GLIS3: variants seen among roughly 807,000 people sequenced by gnomAD.
GLIS3 encodes zinc finger protein GLIS3.
Under a neutral mutation model 78.6 loss-of-function variants are expected in GLIS3, and 53 were observed. The observed-to-expected ratio is 0.67, with a 90% confidence interval of 0.54 to 0.85. The LOEUF (loss-of-function observed/expected upper bound fraction) is 0.85. Ranked by LOEUF, GLIS3 falls within the 40% of genes least tolerant of loss-of-function variation. The pLI is 0.00. For missense variants in GLIS3, 1,703 were observed against 1,231.1 expected (o/e 1.38, Z -5.74); for synonymous variants, 684 against 509.9 (o/e 1.34, Z -4.60).
chr9:3,858,577 A>C (rs1819946091), intron 8 of GLIS3, among the ~76,000 whole-genome samples: 1 of 152,196 alleles, frequency 6.6e-6, no homozygotes, highest in Non-Finnish European at 1.5e-5. Context: ...AAATAAATGA[A>C]TTTATACAAT....
chr9:3,825,083 G>C lies in GLIS3; in HGVS notation c.*3189C>G, dbSNP rs548564187. The C allele has an allele frequency of 2.0e-5, 3 of 152,128 alleles. No individual in the cohort carries two copies. Among genetic ancestry groups the C allele is most frequent in the African/African-American group, 7.2e-5 (3 of 41,424 alleles). The allele number at this position is 152,128 out of a possible 1,614,324, so 9.4% of individuals were successfully genotyped here. ...TATTCCCAATACTTCAAGGCAACTGGAAAGTCAAGGTTCTCAGATGAGGGA... is the reference window on the plus strand; with the variant it reads ...TATTCCCAATACTTCAAGGCAACTGCAAAGTCAAGGTTCTCAGATGAGGGA... On this transcript the variant is annotated 3_prime_UTR_variant, in exon 11 of 11. Transcript: ENST00000381971.
At chr9:4,143,014 T>G (rs897022384) in intron 2 of GLIS3, among the ~76,000 whole-genome samples, 1 of 152,172 alleles carries the variant, frequency 6.6e-6, no homozygotes, top group Non-Finnish European at 1.5e-5. Flanking sequence ...TAGCCAAACC[T>G]ACTCTCTGAC....
At chr9:4,363,265 A>G in the GLIS3 span, among the ~76,000 whole-genome samples, 1 of 152,194 alleles carries the variant, frequency 6.6e-6, no homozygotes, top group African/African-American at 2.4e-5. Flanking sequence ...TCTACTAAAA[A>G]TACAAAAATT....
intron 2 of GLIS3, among the ~76,000 whole-genome samples, chr9:4,200,429 A>C (rs1819271559): frequency 6.6e-6 from 1 of 152,184 alleles, no homozygotes; most frequent in South Asian, 2.1e-4. Context: ...AAAGAAAAAA[A>C]ACAGAGAAGA....
At chr9:4,327,247 G>C (rs1340114778) in intron 2 of GLIS3, among the ~76,000 whole-genome samples, 4 of 152,198 alleles carry the variant, frequency 2.6e-5, no homozygotes, top group Non-Finnish European at 5.9e-5. Flanking sequence ...CAGTGAGACT[G>C]AGAGAGCAGA....
chr9:4,338,461 C>G (rs57214260), intron 2 of GLIS3, among the ~76,000 whole-genome samples: 1 of 151,918 alleles, frequency 6.6e-6, no homozygotes, highest in Non-Finnish European at 1.5e-5. Context: ...GAGAATTCAG[C>G]TCAGGACTGG....
At chr9:4,172,853 A>C (rs1341859810) in intron 2 of GLIS3, among the ~76,000 whole-genome samples, 1 of 152,194 alleles carries the variant, frequency 6.6e-6, no homozygotes, top group Non-Finnish European at 1.5e-5. Flanking sequence ...ATGCTCTCCA[A>C]GGCCAGGCAG....
intron 4 of GLIS3, among the ~76,000 whole-genome samples, chr9:4,076,088 C>A (rs1828029456): frequency 6.6e-6 from 1 of 152,050 alleles, no homozygotes; most frequent in African/African-American, 2.4e-5. Flanking sequence ...TTTCATGGAA[C>A]TTTATATTTA....
At chr9:4,455,665 T>C in the GLIS3 span, among the ~76,000 whole-genome samples, 10 of 152,198 alleles carry the variant, frequency 6.6e-5, no homozygotes, top group African/African-American at 2.4e-4. Context: ...CATGAAGTGA[T>C]CAATAATGGG....
chr9:3,897,724 C>A (rs1822963429), intron 7 of GLIS3, among the ~76,000 whole-genome samples: 1 of 152,184 alleles, frequency 6.6e-6, no homozygotes, highest in Admixed American at 6.5e-5. Flanking sequence ...TCTGAATCAA[C>A]TGAGAACTGT....
In GLIS3 at chr9:3,974,951, G is replaced by A. The variant is rs904277579; in HGVS notation, c.1711-37762C>T. Among the ~76,000 whole-genome samples, 3 of 152,090 alleles carry A rather than the reference G, an allele frequency of 2.0e-5. No homozygotes were observed. The South Asian group carries it at 6.2e-4, about 31-fold the overall frequency. On this transcript the variant is annotated intron_variant, in intron 4 of 10. Transcript: ENST00000381971. ...AAAGAAAGGTGATAGGACTAGAAACGTGATAAGGCACATGGAGGATGTGTG... is the reference window on the plus strand; with the variant it reads ...AAAGAAAGGTGATAGGACTAGAAACATGATAAGGCACATGGAGGATGTGTG...
chr9:4,486,967 G>A, the GLIS3 span, among the ~76,000 whole-genome samples: 1 of 152,136 alleles, frequency 6.6e-6, no homozygotes, highest in Non-Finnish European at 1.5e-5. Context: ...CAAAGTGCTG[G>A]GAATATAGGT....
At chr9:4,097,874 C>G (rs1385897334) in intron 4 of GLIS3, among the ~76,000 whole-genome samples, 1 of 152,110 alleles carries the variant, frequency 6.6e-6, no homozygotes, top group African/African-American at 2.4e-5. Context: ...AAAAACCCCA[C>G]AAAACAAAAA....
intron 2 of GLIS3, among the ~76,000 whole-genome samples, chr9:4,338,212 G>C (rs959768470): frequency 6.6e-6 from 1 of 152,182 alleles, no homozygotes; most frequent in South Asian, 2.1e-4. Flanking sequence ...CTGCTGCTAT[G>C]TGTTGGCAGT....
At chr9:4,224,720 T>TG (rs201821606) in intron 2 of GLIS3, among the ~76,000 whole-genome samples, 5 of 127,520 alleles carry the variant, frequency 3.9e-5, no homozygotes, top group African/African-American at 1.3e-4. Flanking sequence ...CATCTTTTTC[T>TG]GTTTTTTTTT....
At chr9:3,836,068 G>T (rs1818332995) in intron 9 of GLIS3, among the ~76,000 whole-genome samples, 1 of 152,186 alleles carries the variant, frequency 6.6e-6, no homozygotes, top group South Asian at 2.1e-4. Flanking sequence ...AACAAATAAG[G>T]AAGTTTTGAC....
intron 2 of GLIS3, among the ~76,000 whole-genome samples, chr9:4,338,070 T>G (rs1817778904): frequency 6.7e-6 from 1 of 149,882 alleles, no homozygotes; most frequent in African/African-American, 2.5e-5. Flanking sequence ...GTGTTTAGTT[T>G]TGAAATGCAA....
intron 2 of GLIS3, among the ~76,000 whole-genome samples, chr9:4,216,828 CAG>C (rs529868793): frequency 1.8e-4 from 27 of 152,294 alleles, no homozygotes; most frequent in East Asian, 3.9e-4. Context: ...TCATAACAAA[CAG>C]AGATGAAGCA....
rs140157750 is a variant in GLIS3 at position 4,021,801 on chromosome 9, G to A, written c.1711-84612C>T. 3.7e-4 allele frequency among the ~76,000 whole-genome samples: 57 copies of A among 152,260 alleles called. No homozygotes were observed. The East Asian group carries it at 0.011, about 29-fold the overall frequency. ...AAGCTTCCTGAAATTTTTCCAGCAT[G>A]TGACCAGCTGGGCTTCACCAGGGGA... On this transcript the variant is annotated intron_variant, in intron 4 of 10. Coordinates refer to ENST00000381971, the MANE Select transcript of GLIS3 (RefSeq NM_001042413.2).
Sources: gnomAD v4.1 joint callset for allele counts (sites outside exome capture counted in the v4.1 genomes callset) on GRCh38, gnomAD v4.1.1 for gene constraint, MANE v1.5 for transcripts, NCBI Gene and HGNC (gene_info 2026-07-23, HGNC 2026-07-21) for gene names.